Variants in DNAH12 observed in about 807,000 individuals in gnomAD.
DNAH12 encodes the protein axonemal beta dynein heavy chain 12.
Under a neutral mutation model 371.5 loss-of-function variants are expected in DNAH12, and 285 were observed. The ratio of observed to expected loss-of-function variants is 0.77; its 90% CI spans 0.70 to 0.85. The LOEUF is 0.85. Among genes scored for constraint, DNAH12 ranks in the 40% least tolerant of loss-of-function variants. DNAH12 has a pLI of 0.00. For missense variants in DNAH12, 3,611 were observed against 3,689.4 expected, an observed-to-expected ratio of 0.98 and a Z score of 0.55; for synonymous variants, 1,200 against 1,213.0, an observed-to-expected ratio of 0.99 and a Z score of 0.22.
the DNAH12 span, among the ~76,000 whole-genome samples, chr3:57,553,692 T>C: frequency 2.2e-4 from 34 of 152,212 alleles, no homozygotes; most frequent in Non-Finnish European, 4.4e-4. Flanking sequence ...TTTTAACTTA[T>C]ACACAAATCA....
In DNAH12 at chr3:57,542,751, C is replaced by A; in HGVS notation, c.120G>T (p.Leu40=). ...GCTCCTTGGATCTTCTGTATTTTAG[C>A]AGCTTACTTTGTGTTGGTGTATCAA... ...IGVDTPTQSK[L]LKYRRSKEQQ... The change falls in exon 2 of 74, where the codon CTG becomes CTT. Residue 40 remains leucine (L), a synonymous_variant. Transcript: ENST00000495027. 6.2e-7 allele frequency: 1 copy of A among 1,609,652 alleles called. No homozygotes were observed. The highest frequency in any genetic ancestry group is 1.3e-5 in the African/African-American group (1 of 74,654).
chr3:57,344,058 C>T (rs143530011), intron 60 of DNAH12, among the ~76,000 whole-genome samples: 63 of 152,332 alleles, frequency 4.1e-4, no homozygotes, highest in African/African-American at 1.3e-3. Flanking sequence ...ACTCAGAGGT[C>T]GATGCCGGTG....
Position 57,334,549 on chromosome 3 carries a change from A to C in DNAH12, c.9894T>G (p.His3298Gln), listed in dbSNP as rs1307504233. The C allele has an allele frequency of 3.2e-6, 5 of 1,550,912 alleles. No homozygotes were observed. The highest frequency in any genetic ancestry group is 3.5e-6 in the Non-Finnish European group (4 of 1,146,894). Reference sequence around the variant, plus strand: ...CCATTGGTGCTGGAAATTTAGCATTATGTGGCTCTTTACTGTCATAGATTT... The same window carrying C: ...CCATTGGTGCTGGAAATTTAGCATTCTGTGGCTCTTTACTGTCATAGATTT... ...WREIYDSKEP[H>Q]NAKFPAPMDK... Residue 3298 changes from histidine (H) to glutamine (Q), a missense_variant, in exon 62 of 74, where the codon CAT becomes CAG. By Grantham distance (24) the His-to-Gln change is conservative (BLOSUM62 0). Around this residue, in one of 3 missense-constraint regions of DNAH12, gnomAD observed 2,266 missense variants for 2,236.9 expected, o/e 1.01. Transcript: ENST00000495027.
chr3:57,448,523 G>A (rs6763763), intron 25 of DNAH12, among the ~76,000 whole-genome samples: 6 of 151,864 alleles, frequency 4.0e-5, no homozygotes, highest in African/African-American at 9.7e-5. Flanking sequence ...CAGTGAGTGT[G>A]ACAGCTCAGT....
At chr3:57,383,846 T>C (rs1336317976) in intron 49 of DNAH12, among the ~76,000 whole-genome samples, 1 of 152,028 alleles carries the variant, frequency 6.6e-6, no homozygotes, top group African/African-American at 2.4e-5. Flanking sequence ...TTTAAATTCC[T>C]GATTCACAGC....
chr3:57,427,917 GT>G (rs1164314886), intron 34 of DNAH12, among the ~76,000 whole-genome samples: 1 of 151,354 alleles, frequency 6.6e-6, no homozygotes, highest in Non-Finnish European at 1.5e-5. Context: ...GTTTTTGGGT[GT>G]TTTTTGGTTT....
intron 12 of DNAH12, among the ~76,000 whole-genome samples, chr3:57,488,406 C>G (rs543830771): frequency 1.3e-5 from 2 of 152,114 alleles, no homozygotes; most frequent in South Asian, 4.2e-4. Context: ...GTTGGCCAGG[C>G]TGGTCTCGAA....
At chr3:57,404,395 C>T (rs1226196311) in intron 42 of DNAH12, among the ~76,000 whole-genome samples, 1 of 151,986 alleles carries the variant, frequency 6.6e-6, no homozygotes, top group Non-Finnish European at 1.5e-5. Flanking sequence ...TTTACGAATA[C>T]ATACATGTAT....
At chr3:57,438,304 T>A (rs2153367925) in intron 29 of DNAH12, among the ~76,000 whole-genome samples, 1 of 150,208 alleles carries the variant, frequency 6.7e-6, no homozygotes, top group Non-Finnish European at 1.5e-5. Flanking sequence ...AGAGCGAAAC[T>A]TCGTCTCAAC....
intron 60 of DNAH12, among the ~76,000 whole-genome samples, chr3:57,338,731 C>T (rs1197605281): frequency 6.6e-6 from 1 of 151,194 alleles, no homozygotes; most frequent in Non-Finnish European, 1.5e-5. Flanking sequence ...AGGAGCGCCT[C>T]TGCCCGGCCA....
At chr3:57,498,260 A>G in intron 11 of DNAH12, 1 of 455,582 alleles carries the variant, frequency 2.2e-6, no homozygotes, top group Non-Finnish European at 3.9e-6. Context: ...AGAACTGGAA[A>G]TCTCATACAC....
intron 60 of DNAH12, among the ~76,000 whole-genome samples, chr3:57,339,113 A>C (rs900096981): frequency 2.5e-4 from 38 of 152,292 alleles, no homozygotes; most frequent in Middle Eastern, 3.4e-3. Flanking sequence ...GTGCTGTGTC[A>C]ACTCAGGGTT....
intron 55 of DNAH12, among the ~76,000 whole-genome samples, chr3:57,370,864 G>C (rs936604654): frequency 1.4e-4 from 21 of 152,094 alleles, no homozygotes; most frequent in Non-Finnish European, 2.6e-4. Flanking sequence ...TCCATATGTT[G>C]GGGGAGGCTG....
intron 39 of DNAH12, among the ~76,000 whole-genome samples, chr3:57,410,720 G>A (rs1475759968): frequency 6.6e-6 from 1 of 151,938 alleles, no homozygotes; most frequent in Non-Finnish European, 1.5e-5. Context: ...GGAGGCTAGG[G>A]CATAAGAATC....
chr3:57,468,991 G>T lies in DNAH12; in HGVS notation c.2106-12C>A. ...CTCCATCCATCCACCTGAATGGAAA[G>T]AAAAAATATTATTAAACTCAGACTT... On this transcript the variant is annotated splice_polypyrimidine_tract_variant and intron_variant, in intron 16 of 73. Transcript: ENST00000495027. The T allele has an allele frequency of 1.3e-6, 2 of 1,512,594 alleles. No individual in the cohort carries two copies. Among genetic ancestry groups the T allele is most frequent in the Non-Finnish European group, 1.8e-6 (2 of 1,136,314 alleles). 93.7% of individuals were successfully genotyped at this position (1,512,594 alleles called of 1,614,324 possible). A position where few individuals can be genotyped will look rare whatever the true frequency, so the allele number is the denominator to read the frequency against.
intron 71 of DNAH12, 139 bp from the exon 72 acceptor site, chr3:57,296,574 C>A: frequency 1.3e-6 from 1 of 772,142 alleles, no homozygotes; most frequent in Non-Finnish European, 2.0e-6. Context: ...TTTTTTCAGC[C>A]GTAGTTTGTA....
rs572105397 is a variant in DNAH12 at position 57,424,971 on chromosome 3, C to G, written c.5373+51G>C. ...CTTTCTCAATATAAACATCATGTAC[C>G]AGAAGCATAATTTATTTATAATTAA... is the stretch of plus-strand genomic sequence containing the variant. On this transcript the variant is annotated intron_variant, in intron 35 of 73. Coordinates refer to ENST00000495027, the MANE Select transcript of DNAH12 (RefSeq NM_001366028.2). 273 of 677,720 alleles carry G rather than the reference C, an allele frequency of 4.0e-4. No individual in the cohort carries two copies. The African/African-American group carries it at 4.1e-3, about 10-fold the overall frequency. 42.0% of individuals were successfully genotyped at this position (677,720 alleles called of 1,614,324 possible).
At chr3:57,499,673 T>TACACACAC (rs1553711698) in intron 11 of DNAH12, among the ~76,000 whole-genome samples, 12 of 44,462 alleles carry the variant, frequency 2.7e-4, no homozygotes, top group African/African-American at 7.1e-4. Flanking sequence ...TATATATATA[T>TACACACAC]ATACTTCTTA....
chr3:57,536,194 T>C (rs1172001487), intron 2 of DNAH12: 1 of 152,222 alleles, frequency 6.6e-6, no homozygotes, highest in Non-Finnish European at 1.5e-5. Context: ...CAATAAAAAA[T>C]AGACTAGGAT....
Sources: gnomAD v4.1 joint callset for allele counts (sites outside exome capture counted in the v4.1 genomes callset) on GRCh38, gnomAD v4.1.1 for gene constraint, gnomAD v4.1.1 regional missense constraint, MANE v1.5 for transcripts, NCBI Gene and HGNC (gene_info 2026-07-23, HGNC 2026-07-21) for gene names.